Variants in TET1 observed in about 807,000 individuals in gnomAD.
TET1 encodes methylcytosine dioxygenase TET1.
TET1 carries 13 observed loss-of-function variants against 148.7 expected under a neutral mutation model. The observed-to-expected ratio is 0.09, with a 90% CI of 0.06 to 0.14. The LOEUF (loss-of-function observed/expected upper bound fraction) is 0.14, where lower values mean the gene tolerates loss of function less well. TET1 is among the 10% of genes least tolerant of loss of function. The probability of loss-of-function intolerance (pLI) is 1.00; values close to 1 mark genes in which losing one functional copy is unlikely to be tolerated. For synonymous variants in TET1, 907 were observed against 937.2 expected, an observed-to-expected ratio of 0.97 and a Z score of 0.59; for missense variants, 2,182 against 2,553.8, an observed-to-expected ratio of 0.85 and a Z score of 3.14.
In TET1 at chr10:68,691,620, G is replaced by A. The variant is rs1256954998; in HGVS notation, c.6217G>A (p.Ala2073Thr). The A allele has an allele frequency of 3.1e-6, 5 of 1,614,042 alleles. No individual in the cohort carries two copies. Among genetic ancestry groups the A allele is most frequent in the Non-Finnish European group, 4.2e-6 (5 of 1,180,040 alleles). Residue 2073 changes from alanine (A) to threonine (T), a missense_variant, in exon 12 of 12, where the codon GCT (alanine) becomes ACT (threonine). Ala to Thr is a moderately conservative substitution (Grantham distance 58). Transcript: ENST00000373644. This position sits in a 1 kb window ranked among gnomAD's most constrained non-coding sequence, Gnocchi z 4.4. ...LNKIKFEAKE[A>T]KNKKMKASEQ... ...CAAGATTAAGTTTGAGGCTAAAGAA[G>A]CTAAGAATAAGAAAATGAAGGCCTC...
chr10:68,672,524 A>G (rs2055290061), intron 7 of TET1, among the ~76,000 whole-genome samples: 1 of 150,314 alleles, frequency 6.7e-6, no homozygotes, highest in African/African-American at 2.4e-5. Context: ...CCAAAAAAAA[A>G]AAAAAGAAAA....
intron 2 of TET1, among the ~76,000 whole-genome samples, chr10:68,586,390 C>G (rs1186297614): frequency 6.6e-6 from 1 of 151,308 alleles, no homozygotes; most frequent in Admixed American, 6.6e-5. Context: ...GTTGGTCAGG[C>G]TGGTTTCAAA....
intron 8 of TET1, among the ~76,000 whole-genome samples, 154 bp from the exon 9 acceptor site, chr10:68,681,245 A>T (rs1230554446): frequency 6.6e-6 from 1 of 152,232 alleles, no homozygotes; most frequent in African/African-American, 2.4e-5. Flanking sequence ...TTAGATGGAG[A>T]AAAGAAGCAG....
intron 3 of TET1, among the ~76,000 whole-genome samples, chr10:68,615,705 C>G (rs2054280941): frequency 1.3e-5 from 2 of 152,032 alleles, no homozygotes; most frequent in South Asian, 4.1e-4. Flanking sequence ...ATTGTCCAGG[C>G]TGGAGTGCAA....
chr10:68,683,741 C>G (rs1289186541), intron 10 of TET1, among the ~76,000 whole-genome samples: 1 of 152,160 alleles, frequency 6.6e-6, no homozygotes, highest in Admixed American at 6.5e-5. Flanking sequence ...TCTCTGCTAT[C>G]AAACTAGTAG....
At chr10:68,581,213 GA>G (rs1394710807) in intron 2 of TET1, among the ~76,000 whole-genome samples, 9 of 151,990 alleles carry the variant, frequency 5.9e-5, no homozygotes, top group Non-Finnish European at 8.8e-5. Context: ...TTTGGTCATG[GA>G]AAAAAACTTA....
At chr10:68,602,073 T>C (rs966776167) in intron 3 of TET1, among the ~76,000 whole-genome samples, 2 of 152,210 alleles carry the variant, frequency 1.3e-5, no homozygotes, top group African/African-American at 2.4e-5. Flanking sequence ...CCTGACCACA[T>C]TGAGTTTCTG....
intron 7 of TET1, among the ~76,000 whole-genome samples, chr10:68,669,933 C>T (rs1248069526): frequency 2.0e-5 from 3 of 152,122 alleles, no homozygotes; most frequent in Non-Finnish European, 2.9e-5. Context: ...CGTGAGCCAC[C>T]GTGCCCGGCC....
intron 2 of TET1, among the ~76,000 whole-genome samples, chr10:68,583,883 T>A (rs886294204): frequency 1.4e-4 from 21 of 151,618 alleles, no homozygotes; most frequent in African/African-American, 4.8e-4. Flanking sequence ...TGCACACCAG[T>A]CTGGCGACAG....
At position 68,661,879 on chromosome 10, in the gene TET1, TC is replaced by T. The variant is rs145932770; in HGVS notation, c.4462-5165del. On this transcript the variant is annotated intron_variant, in intron 6 of 11. Transcript: ENST00000373644. Reference sequence around the variant, plus strand: ...TTTTTAATTTAAAAAAAATTTTTTTTCTTTTTTTTTTTTTTTTGTGAGATGG... The same window carrying T: ...TTTTTAATTTAAAAAAAATTTTTTTTTTTTTTTTTTTTTTTTGTGAGATGG... Among the ~76,000 whole-genome samples the T allele has an allele frequency of 1.1e-4, 8 of 69,900 alleles. No homozygotes were observed. The East Asian group carries it at 2.9e-3, about 25-fold the overall frequency. 45.9% of individuals were successfully genotyped at this position (69,900 alleles called of 152,430 possible). A position where few individuals can be genotyped will look rare whatever the true frequency, so the allele number is the denominator to read the frequency against.
At chr10:68,599,311 G>A (rs551290016) in intron 2 of TET1, among the ~76,000 whole-genome samples, 49 of 152,336 alleles carry the variant, frequency 3.2e-4, no homozygotes, top group Admixed American at 3.1e-3. Context: ...CAAGGCTGGA[G>A]CTAGGGCTGT....
chr10:68,640,565 T>TTTTTG (rs1564985282), intron 3 of TET1, among the ~76,000 whole-genome samples: 3 of 127,486 alleles, frequency 2.4e-5, no homozygotes, highest in Non-Finnish European at 4.9e-5. Context: ...TTTTTTTTTT[T>TTTTTG]TTTTGAGATG....
intron 3 of TET1, among the ~76,000 whole-genome samples, chr10:68,603,060 C>A (rs566097088): frequency 6.6e-6 from 1 of 152,236 alleles, no homozygotes; most frequent in Admixed American, 6.5e-5. Context: ...AGGAATACAA[C>A]TGTCAGCTTG....
chr10:68,672,835 G>A (rs887241632), intron 7 of TET1, 60 bp from the exon 8 acceptor site: 349 of 1,478,060 alleles, frequency 2.4e-4, no homozygotes, highest in Non-Finnish European at 3.1e-4. Context: ...AACCTGAAAT[G>A]TTCTCTCTGA....
At chr10:68,565,394 T>C (rs1047595835) in intron 1 of TET1, among the ~76,000 whole-genome samples, 9 of 148,536 alleles carry the variant, frequency 6.1e-5, no homozygotes, top group Non-Finnish European at 8.9e-5. Flanking sequence ...GGTGGGAGGA[T>C]CACTTAAGCC....
At chr10:68,681,967 C>CAA (rs71019060) in intron 9 of TET1, among the ~76,000 whole-genome samples, 1,459 of 134,256 alleles carry the variant, frequency 0.011, 17 homozygotes, top group East Asian at 0.026. Context: ...GACTCTGTCT[C>CAA]AAAAAAAAAA....
intron 4 of TET1, among the ~76,000 whole-genome samples, chr10:68,651,102 G>C (rs144039490): frequency 5.4e-3 from 821 of 152,214 alleles, no homozygotes; most frequent in Middle Eastern, 0.014. Context: ...CAGATGTTGA[G>C]TGTTTTGCTC....
At chr10:68,669,065 GT>G (rs1354137667) in intron 7 of TET1, among the ~76,000 whole-genome samples, 5 of 152,052 alleles carry the variant, frequency 3.3e-5, no homozygotes, top group Non-Finnish European at 5.9e-5. Context: ...GAAACCAAGA[GT>G]TTGAGAACCT....
At chr10:68,609,247 C>T (rs948135267) in intron 3 of TET1, among the ~76,000 whole-genome samples, 14 of 152,216 alleles carry the variant, frequency 9.2e-5, no homozygotes, top group Admixed American at 9.2e-4. Context: ...CTGCAACCTC[C>T]ACCTCCCAGG....
Sources: gnomAD v4.1 joint callset for allele counts (sites outside exome capture counted in the v4.1 genomes callset) on GRCh38, gnomAD v4.1.1 for gene constraint, Gnocchi (gnomAD v3.1) non-coding constraint, MANE v1.5 for transcripts, NCBI Gene and HGNC (gene_info 2026-07-23, HGNC 2026-07-21) for gene names.